The following STX7 variants were observed in gnomAD, a reference collection of about 807,000 sequenced individuals.
STX7 encodes syntaxin-7.
A neutral mutation model predicts 39.6 loss-of-function variants in STX7; 34 were observed. The observed-to-expected ratio is 0.86, with a 90% CI of 0.65 to 1.14. The LOEUF (loss-of-function observed/expected upper bound fraction) is 1.14. Ranked by LOEUF, STX7 falls within the 50% of genes most tolerant of loss-of-function variation. STX7 has a pLI of 0.00. For missense variants in STX7, 284 were observed against 310.4 expected (o/e 0.92, Z 0.64); for synonymous variants, 119 against 99.1 (o/e 1.20, Z -1.19).
chr6:132,503,688 C>A (rs1775633785), intron 1 of STX7, 100 bp from the exon 2 acceptor site: 3 of 496,220 alleles, frequency 6.0e-6, no homozygotes, highest in Non-Finnish European at 1.1e-5. Context: ...CTTGATTAAT[C>A]TAATAGAGTT....
At position 132,455,970 on chromosome 6, in the gene STX7, T is replaced by A. The variant is rs1023034486; in HGVS notation, c.*4788A>T. On this transcript the variant is annotated 3_prime_UTR_variant, in exon 10 of 10. Coordinates refer to ENST00000367941, the MANE Select transcript of STX7 (RefSeq NM_003569.3). ...TATGGAGCATACTTACTGTTTTTGC[T>A]TTGAGTGCATTCTGATGAAATATAG... The A allele has an allele frequency of 1.3e-5, 2 of 152,218 alleles. No homozygotes were observed. The highest frequency in any genetic ancestry group is 2.9e-5 in the Non-Finnish European group (2 of 68,032). The allele number at this position is 152,218 out of a possible 1,614,324, so 9.4% of individuals were successfully genotyped here.
chr6:132,457,869 G>A lies in STX7; in HGVS notation c.*2889C>T. On this transcript the variant is annotated 3_prime_UTR_variant, in exon 10 of 10. Transcript: ENST00000367941. ...TTGACTTTCAAAAAAAATAAATGCTGCATAAGTTACCCTTGTGGACCTTAG... is the reference window on the plus strand; with the variant it reads ...TTGACTTTCAAAAAAAATAAATGCTACATAAGTTACCCTTGTGGACCTTAG... The A allele has an allele frequency of 6.6e-6, 1 of 152,114 alleles. No homozygotes were observed. Among genetic ancestry groups the A allele is most frequent in the East Asian group, 1.9e-4 (1 of 5,202 alleles). 9.4% of individuals were successfully genotyped at this position (152,114 alleles called of 1,614,324 possible).
intron 2 of STX7, among the ~76,000 whole-genome samples, chr6:132,483,768 A>T (rs907266117): frequency 6.6e-6 from 1 of 152,126 alleles, no homozygotes. Flanking sequence ...ACCCCAATTG[A>T]CCATGTTCAA....
rs896165324 is a variant in STX7, at chr6:132,451,884, C to G, written c.*8874G>C. 1 of 152,178 alleles carries G rather than the reference C, an allele frequency of 6.6e-6. No individual in the cohort carries two copies. Among genetic ancestry groups the G allele is most frequent in the Admixed American group, 6.5e-5 (1 of 15,278 alleles). 9.4% of individuals were successfully genotyped at this position (152,178 alleles called of 1,614,324 possible). A position where few individuals can be genotyped will look rare whatever the true frequency, so the allele number is the denominator to read the frequency against. ...GCTGACACCAATTCTATACAATCCG[C>G]TTTAGAAAACAGAAGAGAAAGGAAT... On this transcript the variant is annotated 3_prime_UTR_variant, in exon 10 of 10. Coordinates refer to ENST00000367941, the MANE Select transcript of STX7 (RefSeq NM_003569.3).
At position 132,445,947 on chromosome 6, in the gene STX7, G is replaced by A. The variant is rs964953393; in HGVS notation, c.*14811C>T. On this transcript the variant is annotated 3_prime_UTR_variant, in exon 10 of 10. Coordinates refer to ENST00000367941, the MANE Select transcript of STX7 (RefSeq NM_003569.3). Reference sequence around the variant, plus strand: ...GAAGATTTTATAAATTACACATGGGGTTGTTATTACAATCTCTTCAGTGTT... The same window carrying A: ...GAAGATTTTATAAATTACACATGGGATTGTTATTACAATCTCTTCAGTGTT... 2 of 152,142 alleles carry A rather than the reference G, an allele frequency of 1.3e-5. No homozygotes were observed. The highest frequency in any genetic ancestry group is 2.9e-5 in the Non-Finnish European group (2 of 68,024). 9.4% of individuals were successfully genotyped at this position (152,142 alleles called of 1,614,324 possible).
In STX7 at chr6:132,506,855, C is replaced by T. The variant is rs1582687045; in HGVS notation, c.-58-3267G>A. ...ATCTGCACTCATATGTCTATTGTAG[C>T]AATATTCACAAGAACAAAGATTTGG... On this transcript the variant is annotated intron_variant, in intron 1 of 9. Coordinates refer to ENST00000367941, the MANE Select transcript of STX7 (RefSeq NM_003569.3). Among the ~76,000 whole-genome samples the T allele has an allele frequency of 5.9e-5, 9 of 151,970 alleles. No homozygotes were observed. In the South Asian group the frequency reaches 1.9e-3, roughly 32 times the overall value.
At chr6:132,500,593 C>CATTATTTCTCCTT (rs1170934115) in intron 2 of STX7, among the ~76,000 whole-genome samples, 5 of 152,168 alleles carry the variant, frequency 3.3e-5, no homozygotes, top group Non-Finnish European at 5.9e-5. Context: ...TTAAGTTGCT[C>CATTATTTCTCCTT]ATTATTTCTC....
At position 132,450,454 on chromosome 6, in the gene STX7, C is replaced by A. The variant is rs927902044; in HGVS notation, c.*10304G>T. On this transcript the variant is annotated 3_prime_UTR_variant, in exon 10 of 10. Coordinates refer to ENST00000367941, the MANE Select transcript of STX7 (RefSeq NM_003569.3). ...TTATGTCTTCTGTTTTTTTCCAAAT[C>A]GGTTTCACCAAGTTATGTGTACTTT... The A allele has an allele frequency of 6.6e-6, 1 of 151,352 alleles. No individual in the cohort carries two copies. The highest frequency in any genetic ancestry group is 2.1e-4 in the South Asian group (1 of 4,812). 9.4% of individuals were successfully genotyped at this position (151,352 alleles called of 1,614,324 possible). A position where few individuals can be genotyped will look rare whatever the true frequency, so the allele number is the denominator to read the frequency against.
At chr6:132,502,488 C>T (rs150304620) in intron 2 of STX7, among the ~76,000 whole-genome samples, 274 of 152,212 alleles carry the variant, frequency 1.8e-3, no homozygotes, top group Middle Eastern at 3.4e-3. Flanking sequence ...AAAATAAAAA[C>T]CTATCCACTC....
Position 132,447,030 on chromosome 6 carries a change from A to G in STX7, c.*13728T>C, listed in dbSNP as rs957214463. On this transcript the variant is annotated 3_prime_UTR_variant, in exon 10 of 10. Transcript: ENST00000367941. ...AAGAAATAGTGACGATGTGACTTCT[A>G]TTTTTATGATGGCTCAGCGGAAAAT... The G allele has an allele frequency of 6.6e-6, 1 of 152,182 alleles. No individual in the cohort carries two copies. The highest frequency in any genetic ancestry group is 2.4e-5 in the African/African-American group (1 of 41,456). The allele number at this position is 152,182 out of a possible 1,614,324, so 9.4% of individuals were successfully genotyped here.
intron 2 of STX7, among the ~76,000 whole-genome samples, chr6:132,483,952 T>C (rs1403026443): frequency 6.6e-6 from 1 of 152,170 alleles, no homozygotes; most frequent in African/African-American, 2.4e-5. Flanking sequence ...AGGACAGTCA[T>C]CTTCTATTTT....
rs565233834 is a variant in STX7 at position 132,468,910 on chromosome 6, G to A, written c.538-435C>T. On this transcript the variant is annotated intron_variant, in intron 7 of 9. Coordinates refer to ENST00000367941, the MANE Select transcript of STX7 (RefSeq NM_003569.3). ...GACAATTTAAAGTAATAAAACATTA[G>A]GTGTAAATTTAAAGTCTCACATTAA... 2.0e-5 allele frequency among the ~76,000 whole-genome samples: 3 copies of A among 152,208 alleles called. No homozygotes were observed. In the South Asian group the frequency reaches 6.2e-4, roughly 32 times the overall value.
chr6:132,501,202 G>GCCA (rs1775551636), intron 2 of STX7, among the ~76,000 whole-genome samples: 1 of 152,050 alleles, frequency 6.6e-6, no homozygotes, highest in African/African-American at 2.4e-5. Flanking sequence ...ACAGGCATAT[G>GCCA]CCACAACAGG....
chr6:132,502,895 T>C (rs555382003), intron 2 of STX7, among the ~76,000 whole-genome samples: 12 of 151,150 alleles, frequency 7.9e-5, no homozygotes, highest in African/African-American at 2.9e-4. Context: ...TGAGGCTGTC[T>C]CTAAAAAAAA....
intron 2 of STX7, among the ~76,000 whole-genome samples, chr6:132,502,890 C>T (rs1176958215): frequency 6.6e-6 from 1 of 151,420 alleles, no homozygotes; most frequent in Non-Finnish European, 1.5e-5. Context: ...CAGAGTGAGG[C>T]TGTCTCTAAA....
intron 2 of STX7, among the ~76,000 whole-genome samples, chr6:132,500,440 T>C (rs577238412): frequency 6.6e-6 from 1 of 152,308 alleles, no homozygotes; most frequent in South Asian, 2.1e-4. Context: ...ATGCTAGTTA[T>C]TCCTTCTGTC....
At position 132,448,771 on chromosome 6, in the gene STX7, GA is replaced by G. The variant is rs1288181507; in HGVS notation, c.*11986del. The G allele has an allele frequency of 6.8e-6, 1 of 148,040 alleles. No individual in the cohort carries two copies. The highest frequency in any genetic ancestry group is 1.5e-5 in the Non-Finnish European group (1 of 67,418). The allele number at this position is 148,040 out of a possible 1,614,324, so 9.2% of individuals were successfully genotyped here. A position where few individuals can be genotyped will look rare whatever the true frequency, so the allele number is the denominator to read the frequency against. On this transcript the variant is annotated 3_prime_UTR_variant, in exon 10 of 10. Transcript: ENST00000367941. ...GAGAATCAATTGAACCCGGGAAATG[GA>G]GGTTGCAGTGAGCAGAAATCACACC...
At chr6:132,499,961 T>C (rs560537460) in intron 2 of STX7, among the ~76,000 whole-genome samples, 20 of 152,294 alleles carry the variant, frequency 1.3e-4, no homozygotes, top group East Asian at 9.6e-4. Context: ...ATGCAAAAAC[T>C]ATGGAGTCAT....
chr6:132,471,411 A>C (rs1774717319), intron 5 of STX7, 52 bp downstream of exon 5: 1 of 1,558,480 alleles, frequency 6.4e-7, no homozygotes, highest in Non-Finnish European at 8.7e-7. Flanking sequence ...CTTTTATGGG[A>C]CCCTTAGCAA....
Sources: gnomAD v4.1 joint callset for allele counts (sites outside exome capture counted in the v4.1 genomes callset) on GRCh38, gnomAD v4.1.1 for gene constraint, MANE v1.5 for transcripts, NCBI Gene and HGNC (gene_info 2026-07-23, HGNC 2026-07-21) for gene names.